MALRD1: variants seen among roughly 807,000 people sequenced by gnomAD.
MALRD1 encodes MAM and LDL-receptor class A domain-containing protein 1.
MALRD1 carries 247 observed loss-of-function variants against 242.1 expected under a neutral mutation model. The observed-to-expected ratio is 1.02, with a 90% CI of 0.92 to 1.13. The LOEUF is 1.13. Ranked by LOEUF, MALRD1 falls within the 50% of genes most tolerant of loss-of-function variation. The pLI is 0.00. For missense variants in MALRD1, 2,989 were observed against 2,533.1 expected (o/e 1.18, Z -3.86); for synonymous variants, 995 against 866.6 (o/e 1.15, Z -2.60).
chr10:19,719,179 T>TATATATACACAC (rs1834577221), intron 38 of MALRD1, among the ~76,000 whole-genome samples: 1 of 102,006 alleles, frequency 9.8e-6, no homozygotes, highest in African/African-American at 4.7e-5. Context: ...TACATACATA[T>TATATATACACAC]ATATATATAT....
chr10:19,375,612 C>A (rs938112782), intron 26 of MALRD1, among the ~76,000 whole-genome samples: 1 of 152,102 alleles, frequency 6.6e-6, no homozygotes, highest in Non-Finnish European at 1.5e-5. Flanking sequence ...TCTAAAGATA[C>A]ACTGATTATT....
intron 32 of MALRD1, 79 bp downstream of exon 32, chr10:19,531,430 G>A (rs1834411989): frequency 7.3e-7 from 1 of 1,362,290 alleles, no homozygotes; most frequent in Non-Finnish European, 9.8e-7. Flanking sequence ...TGTCTTATTT[G>A]TATTTTTGTT....
intron 10 of MALRD1, 48 bp downstream of exon 10, chr10:19,136,829 G>T: frequency 2.6e-6 from 3 of 1,169,946 alleles, no homozygotes; most frequent in Non-Finnish European, 3.2e-6. Flanking sequence ...ATTCAAGACT[G>T]TTAGTTGGAT....
chr10:19,196,474 C>T (rs1444685852), intron 14 of MALRD1, among the ~76,000 whole-genome samples: 4 of 151,862 alleles, frequency 2.6e-5, no homozygotes, highest in Admixed American at 1.3e-4. Flanking sequence ...CAGATGGTAT[C>T]ACCCTCCTCC....
At chr10:19,174,542 TTCTCTC>T (rs140031809) in intron 13 of MALRD1, among the ~76,000 whole-genome samples, 7 of 150,532 alleles carry the variant, frequency 4.7e-5, no homozygotes, top group African/African-American at 7.3e-5. Flanking sequence ...TTTCCCTCCT[TTCTCTC>T]TCTCTCTCTC....
intron 29 of MALRD1, among the ~76,000 whole-genome samples, chr10:19,478,905 T>C (rs900301994): frequency 1.3e-5 from 2 of 152,222 alleles, no homozygotes; most frequent in African/African-American, 4.8e-5. Flanking sequence ...TAGCAACCAT[T>C]CTTAACTGTA....
intron 28 of MALRD1, among the ~76,000 whole-genome samples, chr10:19,410,656 C>CTCCA (rs1412480103): frequency 6.7e-6 from 1 of 148,458 alleles, no homozygotes; most frequent in Non-Finnish European, 1.5e-5. Flanking sequence ...CTCCCCTCCC[C>CTCCA]TCCATCCATT....
At chr10:19,109,298 G>C (rs1475281881) in intron 5 of MALRD1, among the ~76,000 whole-genome samples, 1 of 152,156 alleles carries the variant, frequency 6.6e-6, no homozygotes, top group Non-Finnish European at 1.5e-5. Context: ...GGACAGAAGT[G>C]TTGGGCTGTT....
At chr10:19,123,310 T>A (rs2131378857) in intron 5 of MALRD1, among the ~76,000 whole-genome samples, 182 bp from the exon 6 acceptor site, 1 of 151,754 alleles carries the variant, frequency 6.6e-6, no homozygotes, top group African/African-American at 2.4e-5. Flanking sequence ...TGTGTATGTG[T>A]GTGTGTGTGT....
At chr10:19,719,572 A>G (rs899105875) in intron 38 of MALRD1, among the ~76,000 whole-genome samples, 3 of 152,080 alleles carry the variant, frequency 2.0e-5, no homozygotes, top group Non-Finnish European at 4.4e-5. Flanking sequence ...CAGCTGCTGT[A>G]TCATGTGAAT....
At chr10:19,621,345 A>T (rs1839390659) in intron 36 of MALRD1, among the ~76,000 whole-genome samples, 1 of 109,310 alleles carries the variant, frequency 9.1e-6, no homozygotes, top group Non-Finnish European at 1.8e-5. Context: ...TAAGTGTAAA[A>T]ATATGTAAAA....
intron 18 of MALRD1, among the ~76,000 whole-genome samples, chr10:19,255,892 T>A (rs189134362): frequency 1.5e-4 from 23 of 152,174 alleles, no homozygotes; most frequent in Middle Eastern, 3.4e-3. Flanking sequence ...TGGCCCTCTC[T>A]GGGTTACAGA....
At chr10:19,548,378 C>G (rs1198412314) in intron 32 of MALRD1, among the ~76,000 whole-genome samples, 3 of 151,906 alleles carry the variant, frequency 2.0e-5, no homozygotes, top group African/African-American at 7.3e-5. Flanking sequence ...AATTGCTGTG[C>G]CTTTTTTTCT....
rs570255180 is a variant in MALRD1 at position 19,694,093 on chromosome 10, G to A, written c.6314+1539G>A. On this transcript the variant is annotated intron_variant, in intron 38 of 39. Transcript: ENST00000454679. ...AATTAATTCAAGATGGATTAAAGACGTAAATGTTAGACCTAAAACCATAAA... is the reference window on the plus strand; with the variant it reads ...AATTAATTCAAGATGGATTAAAGACATAAATGTTAGACCTAAAACCATAAA... 3.5e-3 allele frequency among the ~76,000 whole-genome samples: 531 copies of A among 151,104 alleles called. 7 individuals are homozygous for A. Among genetic ancestry groups the A allele is most frequent in the African/African-American group, 0.012 (515 of 41,228 alleles).
intron 1 of MALRD1, among the ~76,000 whole-genome samples, chr10:19,066,487 C>G (rs1394368540): frequency 6.6e-6 from 1 of 152,160 alleles, no homozygotes. Flanking sequence ...TCTTCTGATC[C>G]TATGTCGTGT....
intron 26 of MALRD1, among the ~76,000 whole-genome samples, chr10:19,374,809 C>A (rs1845530371): frequency 6.6e-6 from 1 of 152,082 alleles, no homozygotes; most frequent in Admixed American, 6.5e-5. Flanking sequence ...ATCTGGAGAC[C>A]ATCACAGGAC....
At chr10:19,459,345 T>C (rs1554776676) in intron 29 of MALRD1, among the ~76,000 whole-genome samples, 1 of 152,138 alleles carries the variant, frequency 6.6e-6, no homozygotes, top group Non-Finnish European at 1.5e-5. Context: ...AGATAGTCTT[T>C]GTGACATCAA....
intron 36 of MALRD1, among the ~76,000 whole-genome samples, chr10:19,636,057 C>T (rs185910267): frequency 9.1e-4 from 139 of 152,052 alleles, no homozygotes; most frequent in South Asian, 3.5e-3. Context: ...CGCACCACCA[C>T]GCCTGGCTAA....
chr10:19,703,634 T>A (rs1833718868), intron 38 of MALRD1, among the ~76,000 whole-genome samples: 1 of 152,146 alleles, frequency 6.6e-6, no homozygotes, highest in Non-Finnish European at 1.5e-5. Context: ...GTGGCTCACA[T>A]TGGTAATCCC....
Sources: allele counts gnomAD v4.1 joint callset (sites outside exome capture counted in the v4.1 genomes callset), GRCh38; gene constraint gnomAD v4.1.1; transcripts MANE v1.5; gene names NCBI Gene and HGNC (gene_info 2026-07-23, HGNC 2026-07-21).